Variants in ITPRID2 observed in about 807,000 individuals in gnomAD.
ITPRID2 encodes ITPR interacting domain containing 2.
ITPRID2 carries 60 observed loss-of-function variants against 124.3 expected under a neutral mutation model. The observed-to-expected ratio is 0.48, with a 90% CI of 0.39 to 0.60. The LOEUF (loss-of-function observed/expected upper bound fraction) is 0.60. Ranked by LOEUF, ITPRID2 falls within the 20% of genes least tolerant of loss-of-function variation. The pLI, the probability that ITPRID2 is intolerant of heterozygous loss-of-function variation, is 0.00. For synonymous variants in ITPRID2, 521 were observed against 542.9 expected, an observed-to-expected ratio of 0.96 and a Z score of 0.56; for missense variants, 1,553 against 1,512.2, an observed-to-expected ratio of 1.03 and a Z score of -0.45.
intron 2 of ITPRID2, among the ~76,000 whole-genome samples, chr2:181,895,269 A>T (rs942783927): frequency 6.6e-6 from 1 of 152,048 alleles, no homozygotes; most frequent in Non-Finnish European, 1.5e-5. Flanking sequence ...TTCTTACTAT[A>T]ACTTGGTTTC....
Position 181,915,914 on chromosome 2 carries a change from A to G in ITPRID2, c.2274A>G (p.Leu758=), listed in dbSNP as rs759298387. The G allele has an allele frequency of 3.1e-6, 5 of 1,614,232 alleles. No individual in the cohort carries two copies. In the South Asian group the frequency reaches 5.5e-5, roughly 18 times the overall value. The stretch of plus-strand genomic sequence containing the variant: ...TTGTGTCCTCTGTCAATGTTCGATT[A>G]TCTCCAGGAAAAGAGACCAGATGCA... ...VRVVSSVNVR[L]SPGKETRCSP... The change falls in exon 11 of 18, where the codon TTA becomes TTG. Residue 758 remains leucine (L), a synonymous_variant. Coordinates refer to ENST00000431877, the MANE Select transcript of ITPRID2 (RefSeq NM_001130445.3).
At chr2:181,906,861 T>C (rs1306984073) in intron 8 of ITPRID2, among the ~76,000 whole-genome samples, 1 of 152,192 alleles carries the variant, frequency 6.6e-6, no homozygotes, top group East Asian at 1.9e-4. Flanking sequence ...ACTATACAAC[T>C]TGGTGAAGGT....
chr2:181,921,020 C>T (rs1201784769), intron 15 of ITPRID2, among the ~76,000 whole-genome samples: 1 of 152,054 alleles, frequency 6.6e-6, no homozygotes, highest in Non-Finnish European at 1.5e-5. Context: ...CCTTTCTCTA[C>T]AGAAAATTTA....
chr2:181,920,731 AGTTTAGATGAAATATAT>A, intron 15 of ITPRID2, 69 bp downstream of exon 15: 1 of 1,128,480 alleles, frequency 8.9e-7, no homozygotes, highest in Non-Finnish European at 1.3e-6. Context: ...TAGTTTCCCT[AGTTTAGATGAAATATAT>A]GTTTATTTTA....
At chr2:181,893,408 G>A (rs1286219895) in intron 2 of ITPRID2, 2 of 152,126 alleles carry the variant, frequency 1.3e-5, no homozygotes, top group Non-Finnish European at 2.9e-5. Context: ...TTGCTTTCGA[G>A]CATATTTTTG....
intron 8 of ITPRID2, among the ~76,000 whole-genome samples, chr2:181,908,850 C>T (rs1476330834): frequency 2.0e-5 from 3 of 151,892 alleles, no homozygotes; most frequent in East Asian, 1.9e-4. Context: ...TAACTATTAG[C>T]GCTTTGATTT....
intron 16 of ITPRID2, among the ~76,000 whole-genome samples, chr2:181,922,646 A>G (rs1156535524): frequency 6.6e-6 from 1 of 152,234 alleles, no homozygotes; most frequent in Non-Finnish European, 1.5e-5. Context: ...CTCTGTGTTC[A>G]GTATGGTGAA....
At chr2:181,906,248 A>G (rs1456537068) in intron 8 of ITPRID2, among the ~76,000 whole-genome samples, 1 of 152,030 alleles carries the variant, frequency 6.6e-6, no homozygotes, top group Non-Finnish European at 1.5e-5. Context: ...CATCTTTCTG[A>G]GGGCTATAAT....
Position 181,901,924 on chromosome 2 carries a change from A to T in ITPRID2, c.871A>T (p.Thr291Ser). 1.9e-6 allele frequency: 3 copies of T among 1,613,936 alleles called. No individual in the cohort carries two copies. The highest frequency in any genetic ancestry group is 1.7e-6 in the Non-Finnish European group (2 of 1,179,896). The change falls in exon 8 of 18, where the codon ACT becomes TCT. Residue 291 changes from threonine (T) to serine (S), a missense_variant. Transcript: ENST00000431877. ...ACCTCCACCTTTAACTCGAAGTAACACTGCAAATCGTTTAATGAAAACACT... is the reference window on the plus strand; with the variant it reads ...ACCTCCACCTTTAACTCGAAGTAACTCTGCAAATCGTTTAATGAAAACACT... ...DPPPPLTRSN[T>S]ANRLMKTLSK...
chr2:181,898,979 T>G (rs1485211206), intron 5 of ITPRID2, 35 bp from the exon 6 acceptor site: 2 of 1,594,934 alleles, frequency 1.3e-6, no homozygotes, highest in Non-Finnish European at 1.7e-6. Context: ...GAAAATAAAG[T>G]TATAAAGTTT....
chr2:181,916,792 T>C (rs770334792), intron 11 of ITPRID2: 167 of 995,318 alleles, frequency 1.7e-4, no homozygotes, highest in Non-Finnish European at 2.0e-4. Context: ...CTTTCTCTCT[T>C]TCTCTCTGCT....
At position 181,916,324 on chromosome 2, in the gene ITPRID2, C is replaced by T; in HGVS notation, c.2684C>T (p.Thr895Ile). 6.2e-7 allele frequency: 1 copy of T among 1,614,208 alleles called. No individual in the cohort carries two copies. Among genetic ancestry groups the T allele is most frequent in the Non-Finnish European group, 8.5e-7 (1 of 1,180,032 alleles). Residue 895 changes from threonine to isoleucine, a missense_variant, in exon 11 of 18, where the codon ACC (threonine) becomes ATC (isoleucine). Thr to Ile is a moderately conservative substitution (Grantham distance 89, BLOSUM62 -1). Coordinates refer to ENST00000431877, the MANE Select transcript of ITPRID2 (RefSeq NM_001130445.3). ...FGCPYSHRHA[T>I]YPYRVCSVNP... Reference sequence around the variant, plus strand: ...TGTCCTTACTCACATAGACATGCCACCTACCCTTACCGAGTGTGCTCTGTG... The same window carrying T: ...TGTCCTTACTCACATAGACATGCCATCTACCCTTACCGAGTGTGCTCTGTG...
chr2:181,918,343 G>A (rs1694235957), intron 11 of ITPRID2: 24 of 1,211,336 alleles, frequency 2.0e-5, no homozygotes, highest in Non-Finnish European at 2.5e-5. Context: ...GGGAAGTCCT[G>A]AAAGAAATAG....
rs1414594632 is a variant in ITPRID2, at chr2:181,902,888, C to T, written c.1413+422C>T. Among the ~76,000 whole-genome samples the T allele has an allele frequency of 6.6e-6, 1 of 152,136 alleles. No homozygotes were observed. Among genetic ancestry groups the T allele is most frequent in the Non-Finnish European group, 1.5e-5 (1 of 68,034 alleles). On this transcript the variant is annotated intron_variant, in intron 8 of 17. Coordinates refer to ENST00000431877, the MANE Select transcript of ITPRID2 (RefSeq NM_001130445.3). The surrounding 1 kb of genome is among the most constrained non-coding windows in gnomAD (Gnocchi z 4.4). ...TTTGGGCAAGCTTTTCTTAACATAT[C>T]TCAGTGGTAAGGATATGTGAAGGCG...
intron 8 of ITPRID2, among the ~76,000 whole-genome samples, chr2:181,904,050 C>T (rs1048646393): frequency 3.9e-5 from 6 of 152,160 alleles, no homozygotes; most frequent in Admixed American, 2.0e-4. Flanking sequence ...AAGTAAGTCA[C>T]TCTTCAAAGA....
Position 181,892,801 on chromosome 2 carries a change from C to G in ITPRID2, c.257+141C>G. On this transcript the variant is annotated intron_variant, in intron 2 of 17. Transcript: ENST00000431877. This position sits in a 1 kb window ranked among gnomAD's most constrained non-coding sequence, Gnocchi z 5.2. ...CGGAAAGTGAGCCGGCGGATAGCTT[C>G]CTCCTCTAAGCGATTAGAAATGGAA... The G allele has an allele frequency of 5.5e-6, 5 of 910,790 alleles. No individual in the cohort carries two copies. In the South Asian group the frequency reaches 7.3e-5, roughly 13 times the overall value. The allele number at this position is 910,790 out of a possible 1,614,324, so 56.4% of individuals were successfully genotyped here. A position where few individuals can be genotyped will look rare whatever the true frequency, so the allele number is the denominator to read the frequency against.
Position 181,910,078 on chromosome 2 carries a change from G to A in ITPRID2, c.1486+107G>A. 2 of 752,704 alleles carry A rather than the reference G, an allele frequency of 2.7e-6. No homozygotes were observed. The highest frequency in any genetic ancestry group is 2.1e-6 in the Non-Finnish European group (1 of 468,258). 46.6% of individuals were successfully genotyped at this position (752,704 alleles called of 1,614,324 possible). On this transcript the variant is annotated intron_variant, in intron 9 of 17. Transcript: ENST00000431877. This position sits in a 1 kb window ranked among gnomAD's most constrained non-coding sequence, Gnocchi z 4.1. ...TTGTAGTATTTATGAGTGTGAAAAG[G>A]CAAAGAACACACACAGGTAGGCATG...
intron 7 of ITPRID2, among the ~76,000 whole-genome samples, chr2:181,901,546 T>A (rs1692668463): frequency 6.6e-6 from 1 of 152,216 alleles, no homozygotes; most frequent in African/African-American, 2.4e-5. Context: ...ATTTCTGATT[T>A]TTTAAAAATA....
At chr2:181,895,321 A>T (rs1038485599) in intron 2 of ITPRID2, among the ~76,000 whole-genome samples, 1 of 152,080 alleles carries the variant, frequency 6.6e-6, no homozygotes, top group Non-Finnish European at 1.5e-5. Flanking sequence ...AAAAAAAGAT[A>T]TTTCTCTCAT....
Sources: allele counts gnomAD v4.1 joint callset (sites outside exome capture counted in the v4.1 genomes callset), GRCh38; gene constraint gnomAD v4.1.1; non-coding constraint Gnocchi (gnomAD v3.1); transcripts MANE v1.5; gene names NCBI Gene and HGNC (gene_info 2026-07-23, HGNC 2026-07-21).